The following CDH7 variants were observed in gnomAD, a reference collection of about 807,000 sequenced individuals.
The protein encoded by CDH7 is cadherin-7.
Under a neutral mutation model 71.8 loss-of-function variants are expected in CDH7, and 25 were observed. That is an observed-to-expected ratio of 0.35 (90% CI 0.25 to 0.49). CDH7 has a LOEUF of 0.49. Among genes scored for constraint, CDH7 ranks in the 20% least tolerant of loss-of-function variants. The pLI is 0.99. For synonymous variants in CDH7, 381 were observed against 363.8 expected, an observed-to-expected ratio of 1.05 and a Z score of -0.54; for missense variants, 862 against 974.6, an observed-to-expected ratio of 0.88 and a Z score of 1.54.
At chr18:65,828,020 A>G (rs937608853) in intron 6 of CDH7, among the ~76,000 whole-genome samples, 2 of 151,448 alleles carry the variant, frequency 1.3e-5, no homozygotes, top group East Asian at 3.9e-4. Flanking sequence ...CTTTCTTCCT[A>G]CCCTCCTCCT....
intron 2 of CDH7, among the ~76,000 whole-genome samples, chr18:65,792,003 T>A (rs1910728598): frequency 6.6e-6 from 1 of 152,186 alleles, no homozygotes. Flanking sequence ...CTTAGTACGC[T>A]AATGTGTTTA....
chr18:65,757,791 AT>A (rs72020881), intron 1 of CDH7, among the ~76,000 whole-genome samples: 8,597 of 145,704 alleles, frequency 0.059, 271 homozygotes, highest in African/African-American at 0.083. Flanking sequence ...ATATATATAT[AT>A]TTTTTTTTTC....
chr18:65,855,335 T>C (rs561904398), intron 7 of CDH7, among the ~76,000 whole-genome samples: 1 of 136,734 alleles, frequency 7.3e-6, no homozygotes, highest in African/African-American at 2.5e-5. Flanking sequence ...GATAAACGTC[T>C]ACCAACATTG....
At chr18:65,876,750 C>G (rs1914084536) in intron 11 of CDH7, among the ~76,000 whole-genome samples, 1 of 152,114 alleles carries the variant, frequency 6.6e-6, no homozygotes, top group South Asian at 2.1e-4. Flanking sequence ...CTGTTGGTCC[C>G]ACGGAATCGT....
intron 11 of CDH7, 65 bp downstream of exon 11, chr18:65,862,982 C>T (rs1350197593): frequency 6.6e-7 from 1 of 1,507,404 alleles, no homozygotes; most frequent in Non-Finnish European, 9.1e-7. Context: ...CACGACTTGC[C>T]TATTATCTTC....
intron 6 of CDH7, among the ~76,000 whole-genome samples, chr18:65,839,704 A>G (rs112351331): frequency 6.6e-5 from 10 of 152,320 alleles, no homozygotes; most frequent in African/African-American, 1.9e-4. Context: ...GATAGTCTCT[A>G]GAAGATTTCT....
At chr18:65,819,490 C>G (rs1440471115) in intron 4 of CDH7, among the ~76,000 whole-genome samples, 1 of 152,108 alleles carries the variant, frequency 6.6e-6, no homozygotes, top group African/African-American at 2.4e-5. Context: ...TGTTTAGTAT[C>G]ACTTACCTCT....
chr18:65,791,749 C>T (rs768283344), intron 2 of CDH7, among the ~76,000 whole-genome samples: 2 of 152,170 alleles, frequency 1.3e-5, no homozygotes, highest in Non-Finnish European at 2.9e-5. Flanking sequence ...TGTATGTAAT[C>T]CTGCGATGCT....
At chr18:65,880,347 G>T (rs542254517) in intron 11 of CDH7, 54 bp from the exon 12 acceptor site, 4 of 1,500,754 alleles carry the variant, frequency 2.7e-6, no homozygotes, top group South Asian at 1.4e-5. Context: ...TTACCATGAC[G>T]TGGGGCAATG....
At chr18:65,782,170 C>CTTTCTTTCTTTCTTTCT (rs1568182757) in intron 2 of CDH7, among the ~76,000 whole-genome samples, 1 of 120,060 alleles carries the variant, frequency 8.3e-6, no homozygotes, top group African/African-American at 3.9e-5. Context: ...TTCTTCCTTT[C>CTTTCTTTCTTTCTTTCT]TTTCTTTCTT....
intron 11 of CDH7, among the ~76,000 whole-genome samples, chr18:65,878,545 A>G (rs1914133468): frequency 6.6e-6 from 1 of 152,176 alleles, no homozygotes; most frequent in South Asian, 2.1e-4. Context: ...TTCTCAGTAG[A>G]CAAGAAAGGA....
chr18:65,751,365 G>T (rs1881740618), intron 1 of CDH7, among the ~76,000 whole-genome samples: 1 of 152,226 alleles, frequency 6.6e-6, no homozygotes, highest in South Asian at 2.1e-4. Flanking sequence ...GGGGCGTTTG[G>T]CCCGGAAAGC....
intron 11 of CDH7, among the ~76,000 whole-genome samples, chr18:65,877,005 T>C (rs1242518016): frequency 6.6e-6 from 1 of 152,212 alleles, no homozygotes; most frequent in African/African-American, 2.4e-5. Flanking sequence ...TTAAAATATA[T>C]AATCTTCTGC....
rs3764517 is a variant in CDH7 at position 65,858,089 on chromosome 18, T to C, written c.1372+137T>C. The C allele has an allele frequency of 3.0e-4, 216 of 715,380 alleles. 1 individual carries two copies. The East Asian group carries it at 5.1e-3, about 17-fold the overall frequency. The allele number at this position is 715,380 out of a possible 1,614,324, so 44.3% of individuals were successfully genotyped here. ...CAAAAACTTGAGAATACCAAATTTCTAAGCTGTGAAATATACTTATCTTCA... is the reference window on the plus strand; with the variant it reads ...CAAAAACTTGAGAATACCAAATTTCCAAGCTGTGAAATATACTTATCTTCA... On this transcript the variant is annotated intron_variant, in intron 8 of 11. Transcript: ENST00000397968.
chr18:65,809,820 A>T lies in CDH7; in HGVS notation c.327A>T (p.Arg109Ser), dbSNP rs746015569. 2 of 1,614,026 alleles carry T rather than the reference A, an allele frequency of 1.2e-6. No individual in the cohort carries two copies. The highest frequency in any genetic ancestry group is 8.5e-7 in the Non-Finnish European group (1 of 1,179,966). Residue 109 changes from arginine (R) to serine (S), a missense_variant, in exon 3 of 12, where the codon AGA becomes AGT. Coordinates refer to ENST00000397968, the MANE Select transcript of CDH7 (RefSeq NM_004361.5). The part of the protein sequence containing the change: ...ENTGDIHATK[R>S]LDREEQAYYT... ...CTGGGGATATTCATGCCACCAAGAGACTGGATCGTGAGGAGCAGGCCTACT... is the reference window on the plus strand; with the variant it reads ...CTGGGGATATTCATGCCACCAAGAGTCTGGATCGTGAGGAGCAGGCCTACT...
At chr18:65,847,548 T>C (rs1912976222) in intron 7 of CDH7, among the ~76,000 whole-genome samples, 1 of 152,184 alleles carries the variant, frequency 6.6e-6, no homozygotes, top group Non-Finnish European at 1.5e-5. Flanking sequence ...TCTTCCTACA[T>C]GATCCCTGCC....
rs80248965 is a variant in CDH7 at position 65,876,127 on chromosome 18, T to G, written c.1865-4274T>G. ...AATTGCACTAAGATTCATACTGTAT[T>G]TATCTGTGAATATACAGTCAACAGT... On this transcript the variant is annotated intron_variant, in intron 11 of 11. Transcript: ENST00000397968. Among the ~76,000 whole-genome samples, 153 of 152,300 alleles carry G rather than the reference T, an allele frequency of 1.0e-3. 3 individuals are homozygous for G. The East Asian group carries it at 0.028, about 28-fold the overall frequency.
rs1387706631 is a variant in CDH7, at chr18:65,885,757, G to A, written c.*4863G>A. 6.6e-6 allele frequency: 1 copy of A among 152,134 alleles called. No homozygotes were observed. Among genetic ancestry groups the A allele is most frequent in the African/African-American group, 2.4e-5 (1 of 41,432 alleles). The allele number at this position is 152,134 out of a possible 1,614,324, so 9.4% of individuals were successfully genotyped here. On this transcript the variant is annotated 3_prime_UTR_variant, in exon 12 of 12. Transcript: ENST00000397968. ...AAGAGTCTCATAATTCCTGGTTAAT[G>A]CTGGCGTATTGTTGTCACCTGCCAA...
intron 2 of CDH7, among the ~76,000 whole-genome samples, chr18:65,802,459 G>A (rs1239589087): frequency 6.6e-6 from 1 of 152,078 alleles, no homozygotes; most frequent in Non-Finnish European, 1.5e-5. Context: ...ACTTTGAGTG[G>A]TGATACTTTT....
Sources: gnomAD v4.1 joint callset for allele counts (sites outside exome capture counted in the v4.1 genomes callset) on GRCh38, gnomAD v4.1.1 for gene constraint, MANE v1.5 for transcripts, NCBI Gene and HGNC (gene_info 2026-07-23, HGNC 2026-07-21) for gene names.